Variants in FAN1 observed in about 807,000 individuals in gnomAD.
FAN1 encodes the protein FANCD2 and FANCI associated nuclease 1.
A neutral mutation model predicts 104.9 loss-of-function variants in FAN1; 91 were observed. The observed-to-expected ratio is 0.87, with a 90% CI of 0.73 to 1.03. The LOEUF (loss-of-function observed/expected upper bound fraction) is 1.03, where lower values mean the gene tolerates loss of function less well. FAN1 is among the 50% of genes least tolerant of loss of function. The pLI is 0.00. For synonymous variants in FAN1, 478 were observed against 457.6 expected, an observed-to-expected ratio of 1.04 and a Z score of -0.57; for missense variants, 1,263 against 1,239.9, an observed-to-expected ratio of 1.02 and a Z score of -0.28.
intron 14 of FAN1, chr15:30,940,765 A>G (rs2063018518): frequency 1.0e-6 from 1 of 988,684 alleles, no homozygotes; most frequent in Non-Finnish European, 1.2e-6. Context: ...TCCCACCCCA[A>G]TTTTAAAAAG....
At position 30,942,947 on chromosome 15, in the gene FAN1, A is replaced by C; in HGVS notation, c.*1385A>C. On this transcript the variant is annotated 3_prime_UTR_variant, in exon 15 of 15. Transcript: ENST00000362065. The stretch of plus-strand genomic sequence containing the variant: ...TCTGTATACAAGGTGTGCTCTTTCC[A>C]ATGTAGAAGGGGTTATGGAAAAGGG... 6.4e-7 allele frequency: 1 copy of C among 1,564,806 alleles called. No individual in the cohort carries two copies. Among genetic ancestry groups the C allele is most frequent in the Non-Finnish European group, 8.7e-7 (1 of 1,152,496 alleles).
At chr15:30,924,705 C>T (rs1362007324) in intron 8 of FAN1, among the ~76,000 whole-genome samples, 2 of 152,134 alleles carry the variant, frequency 1.3e-5, no homozygotes, top group Non-Finnish European at 2.9e-5. Context: ...TTTGATGTGG[C>T]CCCCATGCGT....
intron 3 of FAN1, 95 bp from the exon 4 acceptor site, chr15:30,910,519 T>C (rs532926027): frequency 1.4e-6 from 1 of 709,914 alleles, no homozygotes; most frequent in African/African-American, 1.8e-5. Flanking sequence ...ATTAAAATTT[T>C]CTTAGTAGCA....
In FAN1 at chr15:30,933,763, TTG is replaced by T. The variant is rs1278788151; in HGVS notation, c.2916+3094_2916+3095del. Among the ~76,000 whole-genome samples, 1,172 of 140,018 alleles carry T rather than the reference TTG, an allele frequency of 8.4e-3. 11 individuals are homozygous for T. The highest frequency in any genetic ancestry group is 0.032 in the African/African-American group (1,084 of 34,054). The allele number at this position is 140,018 out of a possible 152,430, so 91.9% of individuals were successfully genotyped here. A position where few individuals can be genotyped will look rare whatever the true frequency, so the allele number is the denominator to read the frequency against. ...TGTGGTATTTCTTTTCTTTTTTTTT[TTG>T]TTTTTGTTTTTTGAGACAGACTCTC... On this transcript the variant is annotated intron_variant, in intron 13 of 14. Transcript: ENST00000362065.
At chr15:30,925,707 C>T in intron 9 of FAN1, 82 bp from the exon 10 acceptor site, 1 of 1,489,728 alleles carries the variant, frequency 6.7e-7, no homozygotes, top group Non-Finnish European at 9.2e-7. Flanking sequence ...TAAGGGAGGT[C>T]AATCCTCACG....
intron 11 of FAN1, 148 bp downstream of exon 11, chr15:30,928,804 T>A: frequency 1.4e-6 from 2 of 1,463,838 alleles, no homozygotes; most frequent in Non-Finnish European, 1.8e-6. Flanking sequence ...TAACTTATTT[T>A]AAAAATCTGA....
At chr15:30,938,764 G>C (rs2140976443) in intron 14 of FAN1, among the ~76,000 whole-genome samples, 1 of 152,148 alleles carries the variant, frequency 6.6e-6, no homozygotes, top group Admixed American at 6.5e-5. Flanking sequence ...TATCCACATG[G>C]CTTTAACTTT....
rs1390433987 is a variant in FAN1 at position 30,937,110 on chromosome 15, C to A, written c.2917-9C>A. On this transcript the variant is annotated splice_polypyrimidine_tract_variant and intron_variant, in intron 13 of 14. Transcript: ENST00000362065. The stretch of plus-strand genomic sequence containing the variant: ...TACTAATAACAACTTTTAAAAATTT[C>A]TTTTCCAGCTGGTGGAAGTTAAAGG... 4 of 1,604,514 alleles carry A rather than the reference C, an allele frequency of 2.5e-6. No individual in the cohort carries two copies. In the South Asian group the frequency reaches 3.4e-5, roughly 14 times the overall value.
rs2063064503 is a variant in FAN1, at chr15:30,941,794, G to A, written c.*232G>A. ...AGGCTGTGATGGAGCCACCCAGGCT[G>A]ATCTGGGCCTCGGGAACCCAGCGGA... is the stretch of plus-strand genomic sequence containing the variant. On this transcript the variant is annotated 3_prime_UTR_variant, in exon 15 of 15. Transcript: ENST00000362065. The A allele has an allele frequency of 6.2e-7, 1 of 1,613,914 alleles. No homozygotes were observed.
intron 5 of FAN1, among the ~76,000 whole-genome samples, chr15:30,917,836 C>CAT (rs2062226348): frequency 6.6e-6 from 1 of 152,150 alleles, no homozygotes; most frequent in South Asian, 2.1e-4. Flanking sequence ...TGTTTGCTGT[C>CAT]ATATTGTTGA....
intron 11 of FAN1, 93 bp downstream of exon 11, chr15:30,928,749 AC>A: frequency 6.3e-7 from 1 of 1,587,102 alleles, no homozygotes; most frequent in South Asian, 1.2e-5. Context: ...GCCAGCAGAA[AC>A]CATCTCTGTT....
chr15:30,935,638 G>C (rs2062832223), intron 13 of FAN1, among the ~76,000 whole-genome samples: 1 of 152,124 alleles, frequency 6.6e-6, no homozygotes, highest in Non-Finnish European at 1.5e-5. Context: ...TTTGGTAACA[G>C]AGGGGGTCCT....
chr15:30,914,117 T>C, intron 5 of FAN1, 26 bp downstream of exon 5: 2 of 1,435,204 alleles, frequency 1.4e-6, no homozygotes, highest in Non-Finnish European at 1.9e-6. Flanking sequence ...CTCACTATAA[T>C]GTCTATATGT....
chr15:30,934,746 T>A (rs1171403037), intron 13 of FAN1, among the ~76,000 whole-genome samples: 5 of 152,222 alleles, frequency 3.3e-5, no homozygotes, highest in Non-Finnish European at 7.3e-5. Context: ...TTCATTGTGT[T>A]GAAGTGGTTG....
chr15:30,918,394 T>G, intron 6 of FAN1, 99 bp downstream of exon 6: 4 of 1,255,410 alleles, frequency 3.2e-6, no homozygotes, highest in Non-Finnish European at 4.6e-6. Flanking sequence ...CTCCTTTTTC[T>G]CTGTGGTTAA....
At chr15:30,938,884 T>G in intron 14 of FAN1, 1 of 973,988 alleles carries the variant, frequency 1.0e-6, no homozygotes, top group Non-Finnish European at 1.2e-6. Context: ...AGAAGATGCC[T>G]TCACCTCTTC....
At chr15:30,926,263 TC>T (rs1463982005) in intron 10 of FAN1, among the ~76,000 whole-genome samples, 1 of 152,208 alleles carries the variant, frequency 6.6e-6, no homozygotes, top group Non-Finnish European at 1.5e-5. Flanking sequence ...CATTCAGTGT[TC>T]CTTCTGTTCT....
intron 13 of FAN1, among the ~76,000 whole-genome samples, chr15:30,935,626 A>G (rs1044276330): frequency 6.6e-6 from 1 of 152,106 alleles, no homozygotes; most frequent in African/African-American, 2.4e-5. Flanking sequence ...GCATCCATGG[A>G]TTTTGGTAAC....
At chr15:30,915,430 T>C (rs2062179934) in intron 5 of FAN1, among the ~76,000 whole-genome samples, 1 of 152,184 alleles carries the variant, frequency 6.6e-6, no homozygotes, top group Non-Finnish European at 1.5e-5. Context: ...TATTTTTAAA[T>C]AGAAGAATGG....
Sources: allele counts gnomAD v4.1 joint callset (sites outside exome capture counted in the v4.1 genomes callset), GRCh38; gene constraint gnomAD v4.1.1; transcripts MANE v1.5; gene names NCBI Gene and HGNC (gene_info 2026-07-23, HGNC 2026-07-21).